TTBK1: variants seen among roughly 807,000 people sequenced by gnomAD.
The protein encoded by TTBK1 is tau-tubulin kinase 1.
A neutral mutation model predicts 108.5 loss-of-function variants in TTBK1; 34 were observed. The observed-to-expected ratio is 0.31, with a 90% CI of 0.24 to 0.42. The LOEUF is 0.42. Ranked by LOEUF, TTBK1 falls within the 10% of genes least tolerant of loss-of-function variation. The pLI, the probability that TTBK1 is intolerant of heterozygous loss-of-function variation, is 1.00. For synonymous variants in TTBK1, 809 were observed against 795.1 expected (o/e 1.02, Z -0.29); for missense variants, 1,539 against 1,826.0 (o/e 0.84, Z 2.86).
rs947469704 is a variant in TTBK1 at position 43,273,053 on chromosome 6, C to T, written c.1987-9674C>T. Among the ~76,000 whole-genome samples, 6 of 152,146 alleles carry T rather than the reference C, an allele frequency of 3.9e-5. No homozygotes were observed. The highest frequency in any genetic ancestry group is 6.5e-5 in the Admixed American group (1 of 15,276). On this transcript the variant is annotated intron_variant, in intron 13 of 14. Transcript: ENST00000259750. This position sits in a 1 kb window ranked among gnomAD's most constrained non-coding sequence, Gnocchi z 4.2. ...ACAGTGCTTATTATGTGCCAGGCAG[C>T]GATCTAAGCACTTTACAAAATTAAC... is the stretch of plus-strand genomic sequence containing the variant.
rs972258539 is a variant in TTBK1 at position 43,263,238 on chromosome 6, G to A, written c.1874G>A (p.Gly625Asp). ...CCACCCCAGCTGAGCCAGGGCGATG[G>A]CCGTTCCGAGACGTCACAGCCCCCC... ...PLPPQLSQGD[G>D]RSETSQPPTP... Residue 625 changes from glycine (G) to aspartate (D), a missense_variant, in exon 13 of 15, where the codon GGC becomes GAC. Physicochemically the swap from Gly to Asp is moderately conservative, Grantham distance 94. Around this residue, in one of 5 missense-constraint regions of TTBK1, gnomAD observed 1,055 missense variants for 1,086.5 expected, o/e 0.97. Transcript: ENST00000259750. The surrounding 1 kb of genome is among the most constrained non-coding windows in gnomAD (Gnocchi z 4.7). 3 of 1,566,574 alleles carry A rather than the reference G, an allele frequency of 1.9e-6. No homozygotes were observed. The highest frequency in any genetic ancestry group is 2.6e-6 in the Non-Finnish European group (3 of 1,155,266).
At chr6:43,256,588 A>G (rs1461979406) in intron 9 of TTBK1, among the ~76,000 whole-genome samples, 1 of 152,090 alleles carries the variant, frequency 6.6e-6, no homozygotes, top group Non-Finnish European at 1.5e-5. Flanking sequence ...AAAATACAAA[A>G]ATTAGCCGGG....
In TTBK1 at chr6:43,262,836, C is replaced by A; in HGVS notation, c.1472C>A (p.Ser491Tyr). The stretch of plus-strand genomic sequence containing the variant: ...TCGCCCTCGCGCCAGGCCTGCTCCT[C>A]TCAGCCAGCCCAGATGCTGTCAGTG... ...PGSPSRQACS[S>Y]QPAQMLSVDT... Residue 491 changes from serine (S) to tyrosine (Y), a missense_variant, in exon 13 of 15, where the codon TCT becomes TAT. This residue lies in a region of TTBK1 where 277 missense variants were observed against 332.4 expected (regional missense o/e 0.83). Coordinates refer to ENST00000259750, the MANE Select transcript of TTBK1 (RefSeq NM_032538.3). The A allele has an allele frequency of 6.2e-7, 1 of 1,601,108 alleles. No homozygotes were observed. Among genetic ancestry groups the A allele is most frequent in the East Asian group, 2.2e-5 (1 of 44,534 alleles).
chr6:43,244,807 C>T (rs957839244), intron 1 of TTBK1, among the ~76,000 whole-genome samples: 4 of 152,218 alleles, frequency 2.6e-5, no homozygotes, highest in Non-Finnish European at 5.9e-5. Flanking sequence ...GGCCCCCTCC[C>T]ACCAGTTCAA....
intron 1 of TTBK1, among the ~76,000 whole-genome samples, chr6:43,244,590 A>T (rs928637232): frequency 1.3e-5 from 2 of 152,230 alleles, no homozygotes; most frequent in Admixed American, 6.5e-5. Flanking sequence ...GTCCTCAGAC[A>T]CAGAGAGAAG....
chr6:43,254,583 A>G lies in TTBK1; in HGVS notation c.508A>G (p.Arg170Gly). 6.3e-7 allele frequency: 1 copy of G among 1,583,578 alleles called. No homozygotes were observed. The highest frequency in any genetic ancestry group is 8.6e-7 in the Non-Finnish European group (1 of 1,167,770). ...CATGGGCAGGCTGCCCTCCACCTAC[A>G]GGAAGTGCTATATGCTGGACTTCGG... Reference protein sequence around the residue: ...FAMGRLPSTYRKCYMLDFGLA... With the variant: ...FAMGRLPSTYGKCYMLDFGLA... The change falls in exon 6 of 15, where the codon AGG (arginine) becomes GGG (glycine). Residue 170 changes from arginine to glycine, a missense_variant. Arg to Gly is a moderately radical substitution (Grantham distance 125). Around this residue, in one of 5 missense-constraint regions of TTBK1, gnomAD observed 155 missense variants for 348.5 expected, o/e 0.44. Coordinates refer to ENST00000259750, the MANE Select transcript of TTBK1 (RefSeq NM_032538.3).
In TTBK1 at chr6:43,284,233, C is replaced by T. The variant is rs1158098886; in HGVS notation, c.3493C>T (p.Pro1165Ser). ...RIPRPIGLRM[P>S]MPVAAQQPAS... ...TCCCCGCCCCATTGGCCTCCGCATGCCCATGCCTGTTGCAGCCCAGCAGCC... is the reference window on the plus strand; with the variant it reads ...TCCCCGCCCCATTGGCCTCCGCATGTCCATGCCTGTTGCAGCCCAGCAGCC... The change falls in exon 14 of 15, where the codon CCC (proline) becomes TCC (serine). Residue 1165 changes from proline to serine, a missense_variant. This residue lies in a region of TTBK1 where 1,055 missense variants were observed against 1,086.5 expected (regional missense o/e 0.97). Transcript: ENST00000259750. The T allele has an allele frequency of 6.3e-7, 1 of 1,596,580 alleles. No individual in the cohort carries two copies. Among genetic ancestry groups the T allele is most frequent in the East Asian group, 2.2e-5 (1 of 44,794 alleles).
rs760723173 is a variant in TTBK1 at position 43,253,403 on chromosome 6, A to G, written c.330+39A>G. ...GCCCATCCTCGCTCCCCTCTCTAAG[A>G]GCTTGGGCTGTGACTCCAGGGTAGG... On this transcript the variant is annotated intron_variant, in intron 4 of 14. Coordinates refer to ENST00000259750, the MANE Select transcript of TTBK1 (RefSeq NM_032538.3). The surrounding 1 kb of genome is among the most constrained non-coding windows in gnomAD (Gnocchi z 5.8). The G allele has an allele frequency of 8.7e-6, 14 of 1,611,608 alleles. No homozygotes were observed. The highest frequency in any genetic ancestry group is 1.1e-5 in the Non-Finnish European group (13 of 1,178,382).
In TTBK1 at chr6:43,253,750, A is replaced by T; in HGVS notation, c.471+42A>T. On this transcript the variant is annotated intron_variant, in intron 5 of 14. Transcript: ENST00000259750. The surrounding 1 kb of genome is among the most constrained non-coding windows in gnomAD (Gnocchi z 5.8). ...CACGCCTCTCTGTTCCCTCCTCCAG[A>T]ACACACCCCTAATTCTTTCCCTGGG... 2 of 1,580,736 alleles carry T rather than the reference A, an allele frequency of 1.3e-6. No homozygotes were observed. Among genetic ancestry groups the T allele is most frequent in the Middle Eastern group, 3.4e-4 (2 of 5,928 alleles).
rs545994181 is a variant in TTBK1 at position 43,257,093 on chromosome 6, C to T, written c.862-719C>T. ...CAGGATGCACTCAATTAAGCCGGTC[C>T]TCTCAGCAGAGAGAAACTGCCCTGT... On this transcript the variant is annotated intron_variant, in intron 9 of 14. Coordinates refer to ENST00000259750, the MANE Select transcript of TTBK1 (RefSeq NM_032538.3). This position sits in a 1 kb window ranked among gnomAD's most constrained non-coding sequence, Gnocchi z 4.5. 8.1e-4 allele frequency among the ~76,000 whole-genome samples: 123 copies of T among 152,354 alleles called. 1 individual carries two copies. The Middle Eastern group carries it at 0.044, about 55-fold the overall frequency.
rs956873976 is a variant in TTBK1, at chr6:43,278,161, C to T, written c.1987-4566C>T. Among the ~76,000 whole-genome samples the T allele has an allele frequency of 3.9e-5, 6 of 152,248 alleles. No homozygotes were observed. In the South Asian group the frequency reaches 6.2e-4, roughly 16 times the overall value. ...CTATGTGGAGCCCCGTCTCCAGTGTCGGTGTCAGAGAAGTTTCCCCAAGGG... is the reference window on the plus strand; with the variant it reads ...CTATGTGGAGCCCCGTCTCCAGTGTTGGTGTCAGAGAAGTTTCCCCAAGGG... On this transcript the variant is annotated intron_variant, in intron 13 of 14. Coordinates refer to ENST00000259750, the MANE Select transcript of TTBK1 (RefSeq NM_032538.3).
intron 10 of TTBK1, 137 bp downstream of exon 10, chr6:43,258,103 T>C: frequency 3.0e-6 from 3 of 1,003,200 alleles, no homozygotes; most frequent in Non-Finnish European, 4.2e-6. Context: ...TCTGGGACTT[T>C]GGGAAACTCT....
intron 14 of TTBK1, among the ~76,000 whole-genome samples, 188 bp downstream of exon 14, chr6:43,284,500 C>T (rs997915696): frequency 6.7e-6 from 1 of 149,348 alleles, no homozygotes. Flanking sequence ...TGTCACTGGG[C>T]TCAGTGAAGT....
intron 12 of TTBK1, 48 bp from the exon 13 acceptor site, chr6:43,262,738 TGGG>T (rs1777574473): frequency 6.8e-7 from 1 of 1,467,886 alleles, no homozygotes; most frequent in South Asian, 1.4e-5. Context: ...GTGGGGTCCT[TGGG>T]GGTCCAGTGG....
rs530659096 is a variant in TTBK1 at position 43,280,095 on chromosome 6, C to T, written c.1987-2632C>T. On this transcript the variant is annotated intron_variant, in intron 13 of 14. Coordinates refer to ENST00000259750, the MANE Select transcript of TTBK1 (RefSeq NM_032538.3). ...CCCAAACAGGGTTGCTGGGGTCCTG[C>T]TGGAATCTGAAGCTATCTTCTTGCA... is the stretch of plus-strand genomic sequence containing the variant. 2.7e-5 allele frequency among the ~76,000 whole-genome samples: 4 copies of T among 145,788 alleles called. No individual in the cohort carries two copies. The South Asian group carries it at 8.7e-4, about 32-fold the overall frequency.
In TTBK1 at chr6:43,259,361, C is replaced by A; in HGVS notation, c.1248+92C>A. On this transcript the variant is annotated intron_variant, in intron 11 of 14. Coordinates refer to ENST00000259750, the MANE Select transcript of TTBK1 (RefSeq NM_032538.3). The surrounding 1 kb of genome is among the most constrained non-coding windows in gnomAD (Gnocchi z 6.7). ...CCCTGCCCTGTTCCTCCTAAGCACC[C>A]TGTCCCCGGCCATCTGCCTGCTTGC... The A allele has an allele frequency of 7.7e-7, 1 of 1,303,538 alleles. No homozygotes were observed. Among genetic ancestry groups the A allele is most frequent in the Non-Finnish European group, 1.0e-6 (1 of 959,644 alleles). 80.7% of individuals were successfully genotyped at this position (1,303,538 alleles called of 1,614,324 possible). A position where few individuals can be genotyped will look rare whatever the true frequency, so the allele number is the denominator to read the frequency against.
chr6:43,260,395 T>C (rs1208192061), intron 12 of TTBK1, among the ~76,000 whole-genome samples: 1 of 152,096 alleles, frequency 6.6e-6, no homozygotes, highest in Non-Finnish European at 1.5e-5. Flanking sequence ...GGCCTCTGAG[T>C]GGGACTTCAC....
At position 43,269,992 on chromosome 6, in the gene TTBK1, G is replaced by A. The variant is rs948148629; in HGVS notation, c.1986+6642G>A. ...TCCTGGAGGGGGCAGGTGGGGGGGG[G>A]TGGGGAGCAGGCAGAGGACCATGGT... On this transcript the variant is annotated intron_variant, in intron 13 of 14. Coordinates refer to ENST00000259750, the MANE Select transcript of TTBK1 (RefSeq NM_032538.3). The surrounding 1 kb of genome is among the most constrained non-coding windows in gnomAD (Gnocchi z 4.8). 2.8e-6 allele frequency: 4 copies of A among 1,429,530 alleles called. No individual in the cohort carries two copies. In the African/African-American group the frequency reaches 4.4e-5, roughly 16 times the overall value. The allele number at this position is 1,429,530 out of a possible 1,614,324, so 88.6% of individuals were successfully genotyped here.
chr6:43,258,063 C>T, intron 10 of TTBK1, 97 bp downstream of exon 10: 7 of 1,374,018 alleles, frequency 5.1e-6, no homozygotes, highest in Non-Finnish European at 6.8e-6. Flanking sequence ...TCTGGACACA[C>T]TTGGCTATCT....
Sources: gnomAD v4.1 joint callset for allele counts (sites outside exome capture counted in the v4.1 genomes callset) on GRCh38, gnomAD v4.1.1 for gene constraint, gnomAD v4.1.1 regional missense constraint, Gnocchi (gnomAD v3.1) non-coding constraint, MANE v1.5 for transcripts, NCBI Gene and HGNC (gene_info 2026-07-23, HGNC 2026-07-21) for gene names.